TBPL1: variants seen among roughly 807,000 people sequenced by gnomAD.
The protein encoded by TBPL1 is TATA box-binding protein-like 1.
TBPL1 carries 4 observed loss-of-function variants against 22.1 expected under a neutral mutation model. The ratio of observed to expected loss-of-function variants is 0.18; its 90% CI spans 0.09 to 0.41. TBPL1 has a LOEUF of 0.41. TBPL1 is among the 10% of genes least tolerant of loss of function. TBPL1 has a pLI of 1.00. For synonymous variants in TBPL1, 64 were observed against 71.0 expected (o/e 0.90, Z 0.50); for missense variants, 115 against 222.3 (o/e 0.52, Z 3.07).
chr6:133,956,398 C>T (rs1775927568), intron 1 of TBPL1, among the ~76,000 whole-genome samples: 1 of 152,050 alleles, frequency 6.6e-6, no homozygotes, highest in Non-Finnish European at 1.5e-5. Flanking sequence ...TTTTTGTGCA[C>T]TTGTAGGTAG....
At chr6:133,972,928 A>G (rs1347252509) in intron 1 of TBPL1, among the ~76,000 whole-genome samples, 1 of 152,164 alleles carries the variant, frequency 6.6e-6, no homozygotes, top group Admixed American at 6.5e-5. Context: ...GAAAATGAGG[A>G]TTTAGAGAGC....
chr6:133,986,621 T>G (rs1776530552), intron 6 of TBPL1, among the ~76,000 whole-genome samples: 1 of 152,204 alleles, frequency 6.6e-6, no homozygotes, highest in Non-Finnish European at 1.5e-5. Context: ...GATAGTGACT[T>G]AAAGGATAGC....
chr6:133,970,331 T>A (rs1179825466), intron 1 of TBPL1, among the ~76,000 whole-genome samples: 5 of 152,246 alleles, frequency 3.3e-5, no homozygotes, highest in African/African-American at 1.2e-4. Context: ...AATAATAATT[T>A]GATAAATTCT....
intron 1 of TBPL1, among the ~76,000 whole-genome samples, chr6:133,964,404 G>A (rs997259637): frequency 6.7e-6 from 1 of 149,976 alleles, no homozygotes; most frequent in African/African-American, 2.4e-5. Context: ...AACCAGAAAT[G>A]TTTGAACTGT....
At chr6:133,974,592 G>A (rs1033721812) in intron 1 of TBPL1, among the ~76,000 whole-genome samples, 2 of 152,214 alleles carry the variant, frequency 1.3e-5, no homozygotes, top group African/African-American at 4.8e-5. Context: ...CTCCCAAAGT[G>A]CTGGGATTAT....
Position 133,976,139 on chromosome 6 carries a change from C to T in TBPL1, c.-44-3943C>T, listed in dbSNP as rs570131778. ...CAAAGGGCTTGTAGGAAAAAAAGAT[C>T]GTTAACTCTTTTGCATTCAGTGAAA... On this transcript the variant is annotated intron_variant, in intron 1 of 6. Transcript: ENST00000237264. Among the ~76,000 whole-genome samples, 36 of 152,138 alleles carry T rather than the reference C, an allele frequency of 2.4e-4. 1 individual carries two copies. In the East Asian group the frequency reaches 5.4e-3, roughly 23 times the overall value.
chr6:133,961,465 C>CTTTTTTTTTTTTTTTTTTTT (rs61695774), intron 1 of TBPL1, among the ~76,000 whole-genome samples: 2 of 100,210 alleles, frequency 2.0e-5, no homozygotes, highest in Non-Finnish European at 4.0e-5. Flanking sequence ...TTCTTTCTTT[C>CTTTTTTTTTTTTTTTTTTTT]TTTTTTTTTT....
chr6:133,956,696 T>C (rs1246849603), intron 1 of TBPL1, among the ~76,000 whole-genome samples: 3 of 152,228 alleles, frequency 2.0e-5, no homozygotes, highest in Non-Finnish European at 4.4e-5. Context: ...TGAAATCTGA[T>C]TCTTGATGCC....
chr6:133,955,036 A>G (rs1261310723), intron 1 of TBPL1, among the ~76,000 whole-genome samples: 3 of 152,136 alleles, frequency 2.0e-5, no homozygotes, highest in African/African-American at 7.2e-5. Context: ...GTTGCATTTT[A>G]AGACATTAAG....
intron 6 of TBPL1, among the ~76,000 whole-genome samples, chr6:133,985,300 ATATATATATATATAT>A (rs1562668639): frequency 0.01 from 368 of 35,724 alleles, 95 homozygotes; most frequent in East Asian, 0.02. Context: ...AAAAAAAAAT[ATATATATATATATAT>A]ATATATATAT....
chr6:133,965,828 T>C (rs888969090), intron 1 of TBPL1, among the ~76,000 whole-genome samples: 1 of 152,180 alleles, frequency 6.6e-6, no homozygotes, highest in African/African-American at 2.4e-5. Flanking sequence ...AAAGGAGATA[T>C]AATAATAGTA....
rs1776604580 is a variant in TBPL1, at chr6:133,990,397, C to T, written c.*3357C>T. 6.6e-6 allele frequency: 1 copy of T among 152,556 alleles called. No homozygotes were observed. Among genetic ancestry groups the T allele is most frequent in the Non-Finnish European group, 1.5e-5 (1 of 68,028 alleles). The allele number at this position is 152,556 out of a possible 1,614,324, so 9.5% of individuals were successfully genotyped here. Reference sequence around the variant, plus strand: ...TCCTTTTCTAATGTTTTACTAACAGCTACTTCTAAATAAATATGGTCCCAG... The same window carrying T: ...TCCTTTTCTAATGTTTTACTAACAGTTACTTCTAAATAAATATGGTCCCAG... On this transcript the variant is annotated 3_prime_UTR_variant, in exon 7 of 7. Transcript: ENST00000237264.
rs554118750 is a variant in TBPL1 at position 133,990,381 on chromosome 6, A to C, written c.*3341A>C. The C allele has an allele frequency of 6.5e-6, 1 of 152,688 alleles. No individual in the cohort carries two copies. Among genetic ancestry groups the C allele is most frequent in the East Asian group, 1.9e-4 (1 of 5,184 alleles). 9.5% of individuals were successfully genotyped at this position (152,688 alleles called of 1,614,324 possible). Reference sequence around the variant, plus strand: ...AACCTAATGGCCTGACTCCTTTTCTAATGTTTTACTAACAGCTACTTCTAA... The same window carrying C: ...AACCTAATGGCCTGACTCCTTTTCTCATGTTTTACTAACAGCTACTTCTAA... On this transcript the variant is annotated 3_prime_UTR_variant, in exon 7 of 7. Coordinates refer to ENST00000237264, the MANE Select transcript of TBPL1 (RefSeq NM_004865.4).
intron 1 of TBPL1, among the ~76,000 whole-genome samples, chr6:133,963,854 C>T (rs1193196704): frequency 1.1e-4 from 16 of 149,646 alleles, no homozygotes; most frequent in African/African-American, 2.0e-4. Context: ...CGTGGTGAAA[C>T]GCCGTCTCTA....
At chr6:133,957,062 A>T (rs923710036) in intron 1 of TBPL1, among the ~76,000 whole-genome samples, 1 of 152,256 alleles carries the variant, frequency 6.6e-6, no homozygotes. Context: ...ATCAGGTCAC[A>T]TCAGAAATTC....
At chr6:133,980,350 T>A in intron 2 of TBPL1, 90 bp downstream of exon 2, 1 of 1,391,578 alleles carries the variant, frequency 7.2e-7, no homozygotes, top group Admixed American at 2.5e-5. Context: ...TACAGATAGT[T>A]TATGAGCACC....
intron 1 of TBPL1, among the ~76,000 whole-genome samples, chr6:133,961,555 G>A (rs1391143475): frequency 2.9e-5 from 4 of 137,320 alleles, no homozygotes; most frequent in Admixed American, 8.2e-5. Flanking sequence ...TGCAACCTCC[G>A]CCTCCCGAGT....
intron 1 of TBPL1, among the ~76,000 whole-genome samples, chr6:133,977,582 T>C (rs555832138): frequency 6.6e-6 from 1 of 152,292 alleles, no homozygotes; most frequent in African/African-American, 2.4e-5. Flanking sequence ...AATAGTAAAT[T>C]TGATAGTTGA....
chr6:133,986,305 C>T (rs775876966), intron 6 of TBPL1, among the ~76,000 whole-genome samples: 2 of 152,072 alleles, frequency 1.3e-5, no homozygotes, highest in Non-Finnish European at 2.9e-5. Flanking sequence ...TTTCATTGTC[C>T]TTTTTTATGT....
Sources: gnomAD v4.1 joint callset for allele counts (sites outside exome capture counted in the v4.1 genomes callset) on GRCh38, gnomAD v4.1.1 for gene constraint, MANE v1.5 for transcripts, NCBI Gene and HGNC (gene_info 2026-07-23, HGNC 2026-07-21) for gene names.